Variants in RYK observed in about 807,000 individuals in gnomAD.
RYK encodes inactive tyrosine-protein kinase RYK.
RYK carries 21 observed loss-of-function variants against 70.2 expected under a neutral mutation model. That is an observed-to-expected ratio of 0.30 (90% confidence interval 0.21 to 0.43). RYK has a LOEUF of 0.43. RYK is among the 20% of genes least tolerant of loss of function. The probability of loss-of-function intolerance (pLI) is 1.00; values close to 1 mark genes in which losing one functional copy is unlikely to be tolerated. For synonymous variants in RYK, 267 were observed against 278.0 expected, an observed-to-expected ratio of 0.96 and a Z score of 0.39; for missense variants, 604 against 753.3, an observed-to-expected ratio of 0.80 and a Z score of 2.32.
rs370564879 is a variant in RYK, at chr3:134,188,936, G to C, written c.1016-13C>G. On this transcript the variant is annotated splice_polypyrimidine_tract_variant and intron_variant, in intron 8 of 14. Transcript: ENST00000623711. Reference sequence around the variant, plus strand: ...CGCCCAAAAGTACCTAAAAGGAAAAGTAATAATTAATGAGATCATACAACA... The same window carrying C: ...CGCCCAAAAGTACCTAAAAGGAAAACTAATAATTAATGAGATCATACAACA... 1.5e-5 allele frequency: 21 copies of C among 1,418,380 alleles called. No individual in the cohort carries two copies. The highest frequency in any genetic ancestry group is 2.1e-5 in the Non-Finnish European group (21 of 1,017,062). The allele number at this position is 1,418,380 out of a possible 1,614,324, so 87.9% of individuals were successfully genotyped here. A position where few individuals can be genotyped will look rare whatever the true frequency, so the allele number is the denominator to read the frequency against.
At chr3:134,172,735 A>G (rs2012960571) in intron 13 of RYK, among the ~76,000 whole-genome samples, 1 of 152,256 alleles carries the variant, frequency 6.6e-6, no homozygotes, top group African/African-American at 2.4e-5. Flanking sequence ...GGTATGTTTA[A>G]CTTCTAGACA....
intron 2 of RYK, among the ~76,000 whole-genome samples, chr3:134,216,866 T>C (rs768222613): frequency 4.8e-5 from 7 of 146,716 alleles, no homozygotes; most frequent in African/African-American, 1.3e-4. Flanking sequence ...CTCCTGGATA[T>C]TGGGGAATGT....
chr3:134,249,917 G>GTTTTTTTGTTTT (rs2015564368), intron 1 of RYK, among the ~76,000 whole-genome samples: 1 of 93,364 alleles, frequency 1.1e-5, no homozygotes, highest in African/African-American at 5.3e-5. Context: ...TTTCTCTCTC[G>GTTTTTTTGTTTT]TTTTTTTTTT....
At chr3:134,242,542 G>A (rs115285749) in intron 1 of RYK, among the ~76,000 whole-genome samples, 1,977 of 152,296 alleles carry the variant, frequency 0.013, 15 homozygotes, top group Non-Finnish European at 0.018. Context: ...ACCTTTAAGT[G>A]TGACATAATT....
At chr3:134,239,615 C>T (rs202119499) in intron 1 of RYK, among the ~76,000 whole-genome samples, 1 of 152,280 alleles carries the variant, frequency 6.6e-6, no homozygotes, top group Non-Finnish European at 1.5e-5. Flanking sequence ...TCCAGTAAGG[C>T]ACAGGATAGT....
chr3:134,207,243 T>C (rs573690166), intron 5 of RYK, among the ~76,000 whole-genome samples: 1 of 152,338 alleles, frequency 6.6e-6, no homozygotes, highest in African/African-American at 2.4e-5. Flanking sequence ...CTTGTAAAAC[T>C]TTTTAGCTTA....
intron 5 of RYK, among the ~76,000 whole-genome samples, chr3:134,206,878 A>G (rs2014227478): frequency 6.6e-6 from 1 of 152,060 alleles, no homozygotes; most frequent in Non-Finnish European, 1.5e-5. Context: ...TTCAAAACCA[A>G]TTTTTTAAAG....
At chr3:134,238,690 G>A (rs1034621980) in intron 1 of RYK, among the ~76,000 whole-genome samples, 1 of 152,196 alleles carries the variant, frequency 6.6e-6, no homozygotes, top group African/African-American at 2.4e-5. Flanking sequence ...AGGCACAAAT[G>A]TTAGAATACA....
At position 134,207,506 on chromosome 3, in the gene RYK, A is replaced by C; in HGVS notation, c.609T>G (p.Thr203=). 5 of 1,541,512 alleles carry C rather than the reference A, an allele frequency of 3.2e-6. No homozygotes were observed. Among genetic ancestry groups the C allele is most frequent in the South Asian group, 1.2e-5 (1 of 81,944 alleles). ...TGCTAGTGTTTTTGTCCAAGGCTGA[A>C]GTTTTTACTTCTTCAAGTTCTGAAT... ...MCYKKLEEVK[T]SALDKNTSRT... The change falls in exon 5 of 15, where the codon ACT becomes ACG. Residue 203 remains threonine, a synonymous_variant. Transcript: ENST00000623711.
At chr3:134,167,562 G>C (rs1436129161) in intron 13 of RYK, among the ~76,000 whole-genome samples, 1 of 152,192 alleles carries the variant, frequency 6.6e-6, no homozygotes, top group Non-Finnish European at 1.5e-5. Flanking sequence ...GGTGAAACTG[G>C]ATAGCCATAT....
intron 6 of RYK, among the ~76,000 whole-genome samples, chr3:134,196,173 T>C (rs1398523068): frequency 6.6e-6 from 1 of 152,198 alleles, no homozygotes; most frequent in Admixed American, 6.5e-5. Context: ...CTCAAGCATG[T>C]AGTTTTGTCT....
intron 1 of RYK, among the ~76,000 whole-genome samples, chr3:134,250,006 CA>C (rs1246462001): frequency 7.1e-6 from 1 of 141,024 alleles, no homozygotes; most frequent in Non-Finnish European, 1.5e-5. Flanking sequence ...AAAGGGTTTG[CA>C]AGTTCAGTCT....
At chr3:134,248,599 A>T (rs2015531056) in intron 1 of RYK, among the ~76,000 whole-genome samples, 1 of 152,076 alleles carries the variant, frequency 6.6e-6, no homozygotes, top group African/African-American at 2.4e-5. Context: ...CGGGCAGATC[A>T]CGAGCTCAGG....
At chr3:134,204,995 G>A (rs1182686145) in intron 5 of RYK, among the ~76,000 whole-genome samples, 1 of 152,208 alleles carries the variant, frequency 6.6e-6, no homozygotes, top group Non-Finnish European at 1.5e-5. Flanking sequence ...CAGTGAAGAT[G>A]AGAAGTAAGT....
chr3:134,183,139 A>G (rs918904259), intron 9 of RYK, 68 bp from the exon 10 acceptor site: 1 of 860,904 alleles, frequency 1.2e-6, no homozygotes, highest in Non-Finnish European at 1.8e-6. Context: ...ATTTTCTGCT[A>G]TTAGTAAATA....
intron 1 of RYK, among the ~76,000 whole-genome samples, chr3:134,246,286 G>C: frequency 7.9e-6 from 1 of 126,780 alleles, no homozygotes; most frequent in Non-Finnish European, 1.6e-5. Flanking sequence ...CAAACCAACA[G>C]ACATCTCAGA....
chr3:134,196,429 C>CA (rs1284104457), intron 6 of RYK, among the ~76,000 whole-genome samples: 1 of 152,022 alleles, frequency 6.6e-6, no homozygotes, highest in Non-Finnish European at 1.5e-5. Context: ...TCTGTATTTT[C>CA]AAAAACTGGT....
At chr3:134,247,450 T>C (rs921006674) in intron 1 of RYK, among the ~76,000 whole-genome samples, 1 of 152,218 alleles carries the variant, frequency 6.6e-6, no homozygotes. Context: ...ACACCTGTAA[T>C]CCCAGCACTT....
intron 2 of RYK, among the ~76,000 whole-genome samples, chr3:134,216,080 A>C (rs1157634078): frequency 6.6e-6 from 1 of 152,060 alleles, no homozygotes; most frequent in Non-Finnish European, 1.5e-5. Context: ...GAAAGGAAAA[A>C]AAAAGAAACA....
Sources: allele counts gnomAD v4.1 joint callset (sites outside exome capture counted in the v4.1 genomes callset), GRCh38; gene constraint gnomAD v4.1.1; transcripts MANE v1.5; gene names NCBI Gene and HGNC (gene_info 2026-07-23, HGNC 2026-07-21).